Variants in CYREN observed in about 807,000 individuals in gnomAD.
CYREN encodes cell cycle regulator of NHEJ, also known as cell cycle regulator of non-homologous end joining.
A neutral mutation model predicts 9.7 loss-of-function variants in CYREN; 7 were observed. The observed-to-expected ratio is 0.72, with a 90% confidence interval of 0.41 to 1.36. CYREN has a LOEUF of 1.36. Among genes scored for constraint, CYREN ranks in the 40% most tolerant of loss-of-function variants. CYREN has a pLI of 0.01. For missense variants in CYREN, 215 were observed against 198.1 expected (o/e 1.09, Z -0.51); for synonymous variants, 76 against 77.9 (o/e 0.98, Z 0.13).
At chr7:135,152,864 C>G (rs766997746) in intron 2 of CYREN, 11 of 152,142 alleles carry the variant, frequency 7.2e-5, no homozygotes, top group Non-Finnish European at 1.0e-4. Flanking sequence ...AAGTTCCATG[C>G]GGCAGTCCTC....
chr7:135,170,065 G>A (rs1259458350), intron 1 of CYREN, among the ~76,000 whole-genome samples: 2 of 152,246 alleles, frequency 1.3e-5, no homozygotes, highest in East Asian at 1.9e-4. Flanking sequence ...TCACCCTGGG[G>A]TGCCTATTAA....
At chr7:135,140,881 G>T (rs552514588) in intron 2 of CYREN, among the ~76,000 whole-genome samples, 1 of 152,188 alleles carries the variant, frequency 6.6e-6, no homozygotes, top group South Asian at 2.1e-4. Context: ...TTATTGATTT[G>T]CATATGTTGA....
chr7:135,127,416 G>C (rs1170580850), intron 2 of CYREN, among the ~76,000 whole-genome samples: 1 of 152,150 alleles, frequency 6.6e-6, no homozygotes, highest in African/African-American at 2.4e-5. Flanking sequence ...GCCGGGGTGT[G>C]GTGGCGCACG....
intron 2 of CYREN, among the ~76,000 whole-genome samples, chr7:135,141,199 G>T (rs1048142198): frequency 6.6e-6 from 1 of 151,832 alleles, no homozygotes; most frequent in African/African-American, 2.4e-5. Flanking sequence ...GGCCTTTTCT[G>T]GTTGGTAGGT....
chr7:135,158,673 G>A (rs1427164387), intron 2 of CYREN, among the ~76,000 whole-genome samples: 2 of 151,122 alleles, frequency 1.3e-5, no homozygotes, highest in Admixed American at 6.6e-5. Context: ...CCTGGGATCA[G>A]AGAGTGTCCC....
chr7:135,159,302 T>G (rs1829870588), intron 2 of CYREN, among the ~76,000 whole-genome samples: 1 of 152,224 alleles, frequency 6.6e-6, no homozygotes, highest in Non-Finnish European at 1.5e-5. Context: ...TTTCGAAAAT[T>G]TACTCTTTCA....
rs1469560274 is a variant in CYREN at position 135,134,458 on chromosome 7, A to G, written n.356+34291T>C. ...TATAGAAAAAAATCTCATAGCATAT[A>G]TACTGAATCCATTCTAATAGAATAA... On this transcript the variant is annotated intron_variant and non_coding_transcript_variant, in intron 2 of 2. Transcript: ENST00000459937. Among the ~76,000 whole-genome samples, 5 of 152,240 alleles carry G rather than the reference A, an allele frequency of 3.3e-5. No homozygotes were observed. In the East Asian group the frequency reaches 5.8e-4, roughly 18 times the overall value.
chr7:135,131,336 A>G (rs1045170744), intron 2 of CYREN, among the ~76,000 whole-genome samples: 2 of 152,056 alleles, frequency 1.3e-5, no homozygotes, highest in African/African-American at 4.8e-5. Flanking sequence ...GAGGGGAGGG[A>G]ACATAGAGGA....
intron 2 of CYREN, among the ~76,000 whole-genome samples, chr7:135,119,013 C>A (rs1056727823): frequency 6.6e-6 from 1 of 152,132 alleles, no homozygotes; most frequent in Non-Finnish European, 1.5e-5. Flanking sequence ...AATAGAGCTG[C>A]AGGCACCTGT....
intron 2 of CYREN, among the ~76,000 whole-genome samples, chr7:135,131,618 A>C (rs1237207105): frequency 6.6e-6 from 1 of 152,018 alleles, no homozygotes; most frequent in East Asian, 1.9e-4. Flanking sequence ...ATCTGAAATC[A>C]ATAATCTAAG....
chr7:135,149,926 C>A (rs1829628900), intron 2 of CYREN, among the ~76,000 whole-genome samples: 1 of 152,128 alleles, frequency 6.6e-6, no homozygotes. Flanking sequence ...ATTTTCCATG[C>A]TCATTGACTT....
At chr7:135,129,096 G>T (rs1439196530) in intron 2 of CYREN, 3 of 1,591,948 alleles carry the variant, frequency 1.9e-6, no homozygotes, top group African/African-American at 1.3e-5. Flanking sequence ...GGCCACTACT[G>T]GTCAGGTCAA....
intron 2 of CYREN, chr7:135,115,804 C>A: frequency 1.9e-6 from 1 of 515,894 alleles, no homozygotes; most frequent in Non-Finnish European, 3.4e-6. Context: ...AGTTATCAGG[C>A]CTTATTTAAT....
intron 2 of CYREN, among the ~76,000 whole-genome samples, chr7:135,147,009 T>C (rs1401657492): frequency 6.6e-6 from 1 of 152,214 alleles, no homozygotes; most frequent in African/African-American, 2.4e-5. Context: ...AAGTTAATTT[T>C]CTGTCTTAAA....
chr7:135,142,726 T>G (rs1017412034), intron 2 of CYREN, among the ~76,000 whole-genome samples: 4 of 152,022 alleles, frequency 2.6e-5, no homozygotes, highest in African/African-American at 9.7e-5. Context: ...ACCATTGACA[T>G]TAGCACCAAA....
In CYREN at chr7:135,166,860, C is replaced by T; in HGVS notation, c.225G>A (p.Gln75=). Residue 75 remains glutamine, a synonymous_variant, in exon 4 of 4, where the codon CAG becomes CAA. Coordinates refer to ENST00000393114, the MANE Select transcript of CYREN (RefSeq NM_024033.4). ...ALGILIESRK[Q]EKACEQPALA... ...GGGCCGGCTGCTCGCAGGCCTTTTCCTGTTTGCGGCTCTGTGGAGTACGGG... is the reference window on the plus strand; with the variant it reads ...GGGCCGGCTGCTCGCAGGCCTTTTCTTGTTTGCGGCTCTGTGGAGTACGGG... 6.2e-7 allele frequency: 1 copy of T among 1,613,586 alleles called. No individual in the cohort carries two copies.
intron 2 of CYREN, among the ~76,000 whole-genome samples, chr7:135,137,134 G>T (rs1237598242): frequency 6.6e-6 from 1 of 151,784 alleles, no homozygotes; most frequent in Admixed American, 6.6e-5. Flanking sequence ...AAACAACTAC[G>T]ATGAATATGC....
chr7:135,164,596 T>C, downstream of CYREN: 1 of 1,614,224 alleles, frequency 6.2e-7, no homozygotes. Context: ...TTCTATAACT[T>C]CTGCCTGTGG....
At chr7:135,155,366 A>G (rs1402398339) in intron 2 of CYREN, among the ~76,000 whole-genome samples, 4 of 151,910 alleles carry the variant, frequency 2.6e-5, no homozygotes, top group African/African-American at 7.3e-5. Context: ...TTTCTGTTAT[A>G]TTGTTTATTG....
Sources: gnomAD v4.1 joint callset for allele counts (sites outside exome capture counted in the v4.1 genomes callset) on GRCh38, gnomAD v4.1.1 for gene constraint, MANE v1.5 for transcripts, NCBI Gene and HGNC (gene_info 2026-07-23, HGNC 2026-07-21) for gene names.